The following SEPTIN9 variants were observed in gnomAD, a reference collection of about 807,000 sequenced individuals.
SEPTIN9 encodes septin 9.
A neutral mutation model predicts 56.6 loss-of-function variants in SEPTIN9; 13 were observed. That is an observed-to-expected ratio of 0.23 (90% confidence interval 0.15 to 0.37). The LOEUF (loss-of-function observed/expected upper bound fraction) is 0.37. Ranked by LOEUF, SEPTIN9 falls within the 10% of genes least tolerant of loss-of-function variation. The pLI, the probability that SEPTIN9 is intolerant of heterozygous loss-of-function variation, is 1.00. For synonymous variants in SEPTIN9, 332 were observed against 334.1 expected, an observed-to-expected ratio of 0.99 and a Z score of 0.07; for missense variants, 650 against 823.1, an observed-to-expected ratio of 0.79 and a Z score of 2.57.
intron 1 of SEPTIN9, among the ~76,000 whole-genome samples, chr17:77,283,989 G>A (rs551633309): frequency 9.2e-5 from 14 of 152,204 alleles, no homozygotes; most frequent in African/African-American, 7.2e-5. Flanking sequence ...GGAATGCCCC[G>A]GAGGTTTTAG....
Position 77,327,241 on chromosome 17 carries a change from GT to G in SEPTIN9, c.76+20046del. On this transcript the variant is annotated intron_variant, in intron 2 of 11. Coordinates refer to ENST00000427177, the MANE Select transcript of SEPTIN9 (RefSeq NM_001113491.2). This position sits in a 1 kb window ranked among gnomAD's most constrained non-coding sequence, Gnocchi z 5.0. ...TGGTCTCGCTGGCTGCTGCCCTCAG[GT>G]TAGTTTATTTTTACCCGGCCTGCTC... Among the ~76,000 whole-genome samples the G allele has an allele frequency of 6.6e-6, 1 of 151,436 alleles. No individual in the cohort carries two copies. Among genetic ancestry groups the G allele is most frequent in the South Asian group, 2.1e-4 (1 of 4,758 alleles).
intron 3 of SEPTIN9, among the ~76,000 whole-genome samples, chr17:77,438,021 T>C (rs2037410826): frequency 6.6e-6 from 1 of 152,248 alleles, no homozygotes; most frequent in Non-Finnish European, 1.5e-5. Context: ...CCACGACACA[T>C]CTGCTTCCAG....
chr17:77,430,476 G>A (rs993617748), intron 3 of SEPTIN9, among the ~76,000 whole-genome samples: 1 of 152,146 alleles, frequency 6.6e-6, no homozygotes, highest in African/African-American at 2.4e-5. Flanking sequence ...CCTACAGCCA[G>A]CGGCCGATCA....
At chr17:77,344,732 A>C (rs2033834550) in intron 2 of SEPTIN9, among the ~76,000 whole-genome samples, 1 of 152,142 alleles carries the variant, frequency 6.6e-6, no homozygotes, top group Admixed American at 6.5e-5. Flanking sequence ...AGCGCTTTGG[A>C]AGGCCGAGGT....
rs996994118 is a variant in SEPTIN9, at chr17:77,434,774, C to A, written c.721+32071C>A. On this transcript the variant is annotated intron_variant, in intron 3 of 11. Transcript: ENST00000427177. The surrounding 1 kb of genome is among the most constrained non-coding windows in gnomAD (Gnocchi z 5.0). ...GAAGGCAAGGACCGGTGGCTCACCC[C>A]TCTTGCACCTGGACCTTGGGTGGCA... Among the ~76,000 whole-genome samples, 16 of 152,230 alleles carry A rather than the reference C, an allele frequency of 1.1e-4. No homozygotes were observed. The highest frequency in any genetic ancestry group is 3.9e-4 in the African/African-American group (16 of 41,458).
chr17:77,399,507 G>A (rs1290317581), intron 2 of SEPTIN9, among the ~76,000 whole-genome samples: 3 of 152,144 alleles, frequency 2.0e-5, no homozygotes, highest in South Asian at 2.1e-4. Flanking sequence ...CCTGGGAACC[G>A]CACGAGGACC....
chr17:77,439,426 T>C (rs555923559), intron 3 of SEPTIN9, among the ~76,000 whole-genome samples: 9 of 152,072 alleles, frequency 5.9e-5, no homozygotes, highest in South Asian at 2.1e-4. Flanking sequence ...AGAGAAGAGA[T>C]GGAAGTACCC....
rs1180207701 is a variant in SEPTIN9, at chr17:77,425,044, A to G, written c.721+22341A>G. Among the ~76,000 whole-genome samples, 1 of 152,208 alleles carries G rather than the reference A, an allele frequency of 6.6e-6. No individual in the cohort carries two copies. The highest frequency in any genetic ancestry group is 1.9e-4 in the East Asian group (1 of 5,186). The stretch of plus-strand genomic sequence containing the variant: ...GCGAAGTCGAGTGACCACATGTGGA[A>G]GTCTAGCGTCCTTCATGCAAAGTGG... On this transcript the variant is annotated intron_variant, in intron 3 of 11. Transcript: ENST00000427177. The surrounding 1 kb of genome is among the most constrained non-coding windows in gnomAD (Gnocchi z 4.2).
intron 2 of SEPTIN9, among the ~76,000 whole-genome samples, chr17:77,344,724 C>G (rs544260854): frequency 1.3e-5 from 2 of 152,132 alleles, no homozygotes; most frequent in Non-Finnish European, 2.9e-5. Context: ...GTAATCCCAG[C>G]GCTTTGGAAG....
intron 3 of SEPTIN9, among the ~76,000 whole-genome samples, chr17:77,478,159 C>T (rs2039302364): frequency 6.6e-6 from 1 of 152,130 alleles, no homozygotes; most frequent in South Asian, 2.1e-4. Context: ...CTCAGTTTCC[C>T]CATTAGTAAA....
At chr17:77,490,660 G>A (rs2039986302) in intron 7 of SEPTIN9, 82 bp from the exon 8 acceptor site, 1 of 1,090,062 alleles carries the variant, frequency 9.2e-7, no homozygotes, top group Non-Finnish European at 1.4e-6. Flanking sequence ...GCACCTGAGA[G>A]TGTCGACACC....
At chr17:77,352,212 A>G (rs964647035) in intron 2 of SEPTIN9, among the ~76,000 whole-genome samples, 58 of 150,866 alleles carry the variant, frequency 3.8e-4, no homozygotes, top group African/African-American at 1.4e-3. Flanking sequence ...CCTGGCTAAC[A>G]TGGTGAAACC....
intron 8 of SEPTIN9, among the ~76,000 whole-genome samples, chr17:77,491,679 G>A (rs1217907928): frequency 6.6e-6 from 1 of 151,652 alleles, no homozygotes; most frequent in Non-Finnish European, 1.5e-5. Flanking sequence ...GGTGGCGGGC[G>A]CCTGTAGTCC....
intron 2 of SEPTIN9, among the ~76,000 whole-genome samples, chr17:77,363,687 C>T (rs1022646098): frequency 4.6e-5 from 7 of 152,078 alleles, no homozygotes; most frequent in Non-Finnish European, 1.0e-4. Context: ...TGTGCCCAGC[C>T]GAGCCCATCT....
chr17:77,321,569 T>C (rs56800315), intron 2 of SEPTIN9, among the ~76,000 whole-genome samples: 34,963 of 151,876 alleles, frequency 0.23, 4,316 homozygotes, highest in Middle Eastern at 0.28. Context: ...TTTGTATTTT[T>C]AGTAGAGATG....
Position 77,337,702 on chromosome 17 carries a change from G to GT in SEPTIN9, c.76+30512dup, listed in dbSNP as rs1358208590. ...TTAATGTATAGAAAGAGTTATTCAG[G>GT]TTTTTTTACTTCCCCTTGTCTTACT... On this transcript the variant is annotated intron_variant, in intron 2 of 11. Coordinates refer to ENST00000427177, the MANE Select transcript of SEPTIN9 (RefSeq NM_001113491.2). 1.6e-4 allele frequency among the ~76,000 whole-genome samples: 24 copies of GT among 152,110 alleles called. No homozygotes were observed. The East Asian group carries it at 4.4e-3, about 28-fold the overall frequency.
chr17:77,428,702 G>A (rs2144264780), intron 3 of SEPTIN9, among the ~76,000 whole-genome samples: 1 of 152,202 alleles, frequency 6.6e-6, no homozygotes, highest in South Asian at 2.1e-4. Flanking sequence ...TGGATGGGAG[G>A]GTGTTGGCAG....
In SEPTIN9 at chr17:77,500,434, CCTT is replaced by C. The variant is rs925977040; in HGVS notation, c.*1779_*1781del. The C allele has an allele frequency of 9.3e-5, 21 of 226,968 alleles. No individual in the cohort carries two copies. The highest frequency in any genetic ancestry group is 1.6e-4 in the Non-Finnish European group (18 of 114,012). 14.1% of individuals were successfully genotyped at this position (226,968 alleles called of 1,614,324 possible). ...TCCCAGCCTTGAGATGCTTCACTTT[CCTT>C]CTCTGTAACCAGACTTTGAAAAATT... On this transcript the variant is annotated 3_prime_UTR_variant, in exon 12 of 12. Coordinates refer to ENST00000427177, the MANE Select transcript of SEPTIN9 (RefSeq NM_001113491.2).
chr17:77,359,215 C>T (rs1452804163), intron 2 of SEPTIN9, among the ~76,000 whole-genome samples: 1 of 152,216 alleles, frequency 6.6e-6, no homozygotes, highest in Non-Finnish European at 1.5e-5. Context: ...CTGGGCTTCC[C>T]TGTGCACAAC....
Sources: allele counts gnomAD v4.1 joint callset (sites outside exome capture counted in the v4.1 genomes callset), GRCh38; gene constraint gnomAD v4.1.1; non-coding constraint Gnocchi (gnomAD v3.1); transcripts MANE v1.5; gene names NCBI Gene and HGNC (gene_info 2026-07-23, HGNC 2026-07-21).